Variants in ZMYM1 observed in about 807,000 individuals in gnomAD.
ZMYM1 encodes zinc finger MYM-type containing 1.
In ZMYM1, 39 loss-of-function variants were observed where a neutral mutation model predicts 60.0. The observed-to-expected ratio is 0.65, with a 90% confidence interval of 0.50 to 0.85. ZMYM1 has a LOEUF of 0.85. Ranked by LOEUF, ZMYM1 falls within the 40% of genes least tolerant of loss-of-function variation. ZMYM1 has a pLI of 0.00. For missense variants in ZMYM1, 1,171 were observed against 1,309.5 expected (o/e 0.89, Z 1.63); for synonymous variants, 413 against 454.0 (o/e 0.91, Z 1.15).
At chr1:35,096,432 C>T (rs1643326096) in intron 3 of ZMYM1, among the ~76,000 whole-genome samples, 1 of 151,934 alleles carries the variant, frequency 6.6e-6, no homozygotes, top group South Asian at 2.1e-4. Context: ...TTGAGACCAG[C>T]CTGGGCAACA....
chr1:35,109,967 C>T (rs1318699280), intron 6 of ZMYM1, among the ~76,000 whole-genome samples: 1 of 152,074 alleles, frequency 6.6e-6, no homozygotes, highest in Non-Finnish European at 1.5e-5. Context: ...AGGCTGGTCT[C>T]GAACTCCTGA....
upstream of ZMYM1, among the ~76,000 whole-genome samples, chr1:35,077,621 C>T (rs1250538322): frequency 6.6e-6 from 1 of 152,118 alleles, no homozygotes; most frequent in Non-Finnish European, 1.5e-5. Context: ...GATAGATAAA[C>T]AGGCTCATCT....
upstream of ZMYM1, among the ~76,000 whole-genome samples, chr1:35,076,269 GAC>G (rs1175001352): frequency 6.6e-6 from 1 of 152,150 alleles, no homozygotes; most frequent in East Asian, 1.9e-4. Flanking sequence ...CAAGCCAGGG[GAC>G]ACCTTCCAGG....
At chr1:35,085,703 T>C (rs1289567991) in intron 1 of ZMYM1, among the ~76,000 whole-genome samples, 1 of 152,220 alleles carries the variant, frequency 6.6e-6, no homozygotes, top group Admixed American at 6.5e-5. Context: ...TGCCCTTTCT[T>C]GCCTTTGGTG....
intron 1 of ZMYM1, among the ~76,000 whole-genome samples, chr1:35,080,094 G>A (rs1475688771): frequency 2.0e-5 from 1 of 51,176 alleles, no homozygotes; most frequent in Admixed American, 1.5e-4. Context: ...GCGAGACCCC[G>A]TCTCAAAAAA....
In ZMYM1 at chr1:35,103,707, T is replaced by C. The variant is rs529828493; in HGVS notation, c.420-588T>C. 5.6e-4 allele frequency among the ~76,000 whole-genome samples: 86 copies of C among 152,320 alleles called. 1 individual carries two copies. The South Asian group carries it at 0.017, about 30-fold the overall frequency. On this transcript the variant is annotated intron_variant, in intron 4 of 9. Coordinates refer to ENST00000359858, the MANE Select transcript of ZMYM1 (RefSeq NM_024772.5). Reference sequence around the variant, plus strand: ...GATTGCAGGGTCCTACCATTAGCTTTGCAACATCAGTTGCAAAGTGATGTT... The same window carrying C: ...GATTGCAGGGTCCTACCATTAGCTTCGCAACATCAGTTGCAAAGTGATGTT...
At chr1:35,097,931 G>GA (rs1643425917) in intron 4 of ZMYM1, among the ~76,000 whole-genome samples, 1 of 152,200 alleles carries the variant, frequency 6.6e-6, no homozygotes, top group Admixed American at 6.5e-5. Context: ...TTACAGGTGT[G>GA]AGTCACTGCG....
Position 35,103,004 on chromosome 1 carries a change from A to T in ZMYM1, c.420-1291A>T, listed in dbSNP as rs1288459749. 2.6e-5 allele frequency among the ~76,000 whole-genome samples: 4 copies of T among 152,220 alleles called. No individual in the cohort carries two copies. In the South Asian group the frequency reaches 6.2e-4, roughly 24 times the overall value. On this transcript the variant is annotated intron_variant, in intron 4 of 9. Transcript: ENST00000359858. ...GAATTTTTTTTGGCAGTGAATGTAT[A>T]GCAGGGAATAACATGAATATTAGCA... is the stretch of plus-strand genomic sequence containing the variant.
In ZMYM1 at chr1:35,114,103, G is replaced by T; in HGVS notation, c.2273G>T (p.Cys758Phe). 1 of 1,612,864 alleles carries T rather than the reference G, an allele frequency of 6.2e-7. No individual in the cohort carries two copies. The highest frequency in any genetic ancestry group is 8.5e-7 in the Non-Finnish European group (1 of 1,179,630). Reference sequence around the variant, plus strand: ...TTGGATTTATCAATAATTAGGTTTTGTAAAGAAGTAAAAGAACTCCGAAGT... The same window carrying T: ...TTGGATTTATCAATAATTAGGTTTTTTAAAGAAGTAAAAGAACTCCGAAGT... ...HFLDLSIIRF[C>F]KEVKELRSAL... Residue 758 changes from cysteine to phenylalanine, a missense_variant, in exon 10 of 10, where the codon TGT (cysteine) becomes TTT (phenylalanine). Physicochemically the swap from Cys to Phe is radical, Grantham distance 205. Coordinates refer to ENST00000359858, the MANE Select transcript of ZMYM1 (RefSeq NM_024772.5).
chr1:35,115,178 G>C lies in ZMYM1; in HGVS notation c.3348G>C (p.Gln1116His), dbSNP rs765074973. 6 of 1,613,292 alleles carry C rather than the reference G, an allele frequency of 3.7e-6. No individual in the cohort carries two copies. The highest frequency in any genetic ancestry group is 3.4e-6 in the Non-Finnish European group (4 of 1,179,834). ...LTGPALMAVEQELVNKLMEPE... is the reference protein window; with the variant it reads ...LTGPALMAVEHELVNKLMEPE... ...GCCCAGCCCTAATGGCTGTTGAGCAGGAGTTGGTAAATAAACTAATGGAGC... is the reference window on the plus strand; with the variant it reads ...GCCCAGCCCTAATGGCTGTTGAGCACGAGTTGGTAAATAAACTAATGGAGC... Residue 1116 changes from glutamine to histidine, a missense_variant, in exon 10 of 10, where the codon CAG becomes CAC. Physicochemically the swap from Gln to His is conservative, Grantham distance 24. Transcript: ENST00000359858.
At position 35,114,842 on chromosome 1, in the gene ZMYM1, A is replaced by G; in HGVS notation, c.3012A>G (p.Pro1004=). ...ISELLFKWNE[P]LNETTAKHVQ... is the part of the protein sequence containing the mutation. ...AACTGTTATTTAAATGGAATGAACC[A>G]TTAAATGAAACAACAGCAAAACATG... The change falls in exon 10 of 10, where the codon CCA becomes CCG. Residue 1004 remains proline (P), a synonymous_variant. Coordinates refer to ENST00000359858, the MANE Select transcript of ZMYM1 (RefSeq NM_024772.5). 1 of 1,606,618 alleles carries G rather than the reference A, an allele frequency of 6.2e-7. No individual in the cohort carries two copies. Among genetic ancestry groups the G allele is most frequent in the Non-Finnish European group, 8.5e-7 (1 of 1,176,336 alleles).
chr1:35,111,356 T>C (rs930205027), intron 7 of ZMYM1, among the ~76,000 whole-genome samples: 7 of 152,166 alleles, frequency 4.6e-5, no homozygotes, highest in African/African-American at 1.7e-4. Context: ...ATTTCTGCAA[T>C]AGTGGCTTGG....
chr1:35,092,582 C>A (rs1643087315), intron 1 of ZMYM1, among the ~76,000 whole-genome samples: 1 of 150,264 alleles, frequency 6.7e-6, no homozygotes. Context: ...TTCTTTCTTT[C>A]TTTTCTTTCT....
chr1:35,110,283 T>A lies in ZMYM1; in HGVS notation c.808-11T>A. 6.7e-7 allele frequency: 1 copy of A among 1,497,756 alleles called. No homozygotes were observed. The highest frequency in any genetic ancestry group is 1.4e-5 in the African/African-American group (1 of 69,262). The allele number at this position is 1,497,756 out of a possible 1,614,324, so 92.8% of individuals were successfully genotyped here. ...ACCAGGAATATGAATATTATTTTAA[T>A]CTCTAAACAGAAACCTGCCAAACCA... On this transcript the variant is annotated splice_polypyrimidine_tract_variant and intron_variant, in intron 6 of 9. Coordinates refer to ENST00000359858, the MANE Select transcript of ZMYM1 (RefSeq NM_024772.5).
At chr1:35,082,705 C>G (rs570837338) in intron 1 of ZMYM1, among the ~76,000 whole-genome samples, 1 of 149,294 alleles carries the variant, frequency 6.7e-6, no homozygotes, top group Non-Finnish European at 1.5e-5. Flanking sequence ...AGTGGCCGGG[C>G]GTGGTGGCTC....
At chr1:35,101,620 A>C in intron 4 of ZMYM1, among the ~76,000 whole-genome samples, 1 of 148,932 alleles carries the variant, frequency 6.7e-6, no homozygotes. Context: ...ACCATTCCTC[A>C]CTCTCCTCTT....
chr1:35,112,998 G>A lies in ZMYM1; in HGVS notation c.1168G>A (p.Glu390Lys). ...AAAGCTTTCTAAGAGTTCACCTAGT[G>A]AACCCAGTAATGCTGTTGCTAGTAG... is the stretch of plus-strand genomic sequence containing the variant. ...IVDLSKSSPS[E>K]PSNAVASSST... The change falls in exon 10 of 10, where the codon GAA (glutamate) becomes AAA (lysine). Residue 390 changes from glutamate to lysine, a missense_variant. Transcript: ENST00000359858. 2 of 1,570,954 alleles carry A rather than the reference G, an allele frequency of 1.3e-6. No individual in the cohort carries two copies. Among genetic ancestry groups the A allele is most frequent in the Non-Finnish European group, 1.7e-6 (2 of 1,162,270 alleles).
At chr1:35,072,231 T>G (rs961264407) in intron 1 of ZMYM1, among the ~76,000 whole-genome samples, 1 of 152,226 alleles carries the variant, frequency 6.6e-6, no homozygotes, top group Non-Finnish European at 1.5e-5. Context: ...TTTATTACAG[T>G]TTCAATTTCC....
intron 1 of ZMYM1, among the ~76,000 whole-genome samples, chr1:35,081,728 CTG>C (rs1432552463): frequency 6.6e-6 from 1 of 152,188 alleles, no homozygotes; most frequent in Non-Finnish European, 1.5e-5. Context: ...CGGAGTCGCA[CTG>C]TGTCACCCAG....
Sources: gnomAD v4.1 joint callset for allele counts (sites outside exome capture counted in the v4.1 genomes callset) on GRCh38, gnomAD v4.1.1 for gene constraint, MANE v1.5 for transcripts, NCBI Gene and HGNC (gene_info 2026-07-23, HGNC 2026-07-21) for gene names.